The following SCN8A variants were observed in gnomAD, a reference collection of about 807,000 sequenced individuals.
SCN8A encodes sodium voltage-gated channel alpha subunit 8, also known as sodium channel protein type 8 subunit alpha.
SCN8A carries 30 observed loss-of-function variants against 184.1 expected under a neutral mutation model. That is an observed-to-expected ratio of 0.16 (90% confidence interval 0.12 to 0.22). The LOEUF is 0.22. Ranked by LOEUF, SCN8A falls within the 10% of genes least tolerant of loss-of-function variation. The pLI is 1.00. For missense variants in SCN8A, 1,057 were observed against 2,498.9 expected (o/e 0.42, Z 12.30); for synonymous variants, 852 against 907.0 (o/e 0.94, Z 1.09).
rs1565923413 is a variant in SCN8A, at chr12:51,780,561, C to CTTTTTTTTTTT, written c.3820-85_3820-84insTTTTTTTTTTT. 11 of 457,854 alleles carry CTTTTTTTTTTT rather than the reference C, an allele frequency of 2.4e-5. No individual in the cohort carries two copies. In the African/African-American group the frequency reaches 9.8e-4, roughly 41 times the overall value. 28.4% of individuals were successfully genotyped at this position (457,854 alleles called of 1,614,324 possible). A position where few individuals can be genotyped will look rare whatever the true frequency, so the allele number is the denominator to read the frequency against. The stretch of plus-strand genomic sequence containing the variant: ...TCTAACACTCTGGAACCTCTGTTTT[C>CTTTTTTTTTTT]TTTCTTTTTTTTTTTTTTTTTTTTT... On this transcript the variant is annotated intron_variant, in intron 20 of 26. Coordinates refer to ENST00000627620, the MANE Select transcript of SCN8A (RefSeq NM_001330260.2).
chr12:51,662,976 C>T lies in SCN8A; in HGVS notation c.159C>T (p.Pro53=), dbSNP rs750806532. 8 of 1,614,028 alleles carry T rather than the reference C, an allele frequency of 5.0e-6. No individual in the cohort carries two copies. The South Asian group carries it at 8.8e-5, about 18-fold the overall frequency. ...SHREDDEDSK[P]KPNSDLEAGK... is the part of the protein sequence containing the mutation. ...GGGAGGACGATGAGGACAGCAAGCC[C>T]AAGCCAAACAGCGACCTGGAAGCAG... is the stretch of plus-strand genomic sequence containing the variant. Residue 53 remains proline, a synonymous_variant, in exon 2 of 27, where the codon CCC becomes CCT. Coordinates refer to ENST00000627620, the MANE Select transcript of SCN8A (RefSeq NM_001330260.2).
intron 2 of SCN8A, among the ~76,000 whole-genome samples, chr12:51,665,424 A>G (rs555309304): frequency 6.6e-6 from 1 of 152,318 alleles, no homozygotes; most frequent in African/African-American, 2.4e-5. Flanking sequence ...TTTTTTGGTA[A>G]TCTTGAAAAA....
At chr12:51,726,423 G>A (rs545021582) in intron 12 of SCN8A, among the ~76,000 whole-genome samples, 2 of 152,328 alleles carry the variant, frequency 1.3e-5, no homozygotes, top group South Asian at 4.2e-4. Context: ...GGAAGCCAAG[G>A]CTTAGAGGAA....
intron 1 of SCN8A, among the ~76,000 whole-genome samples, chr12:51,653,077 T>C (rs1940751106): frequency 6.6e-6 from 1 of 152,188 alleles, no homozygotes; most frequent in African/African-American, 2.4e-5. Context: ...CCCAGCACTT[T>C]GGGAGGCCGA....
chr12:51,596,808 C>T (rs77836554), intron 1 of SCN8A, among the ~76,000 whole-genome samples: 1,672 of 152,272 alleles, frequency 0.011, 14 homozygotes, highest in Non-Finnish European at 0.016. Context: ...ATCTTTCATC[C>T]GTGTCTCTTG....
chr12:51,624,920 C>T (rs1940044985), intron 1 of SCN8A, among the ~76,000 whole-genome samples: 1 of 151,934 alleles, frequency 6.6e-6, no homozygotes, highest in African/African-American at 2.4e-5. Flanking sequence ...GTTATATAGG[C>T]CAGCTTTTTT....
intron 13 of SCN8A, 66 bp from the exon 14 acceptor site, chr12:51,751,289 G>A (rs896864736): frequency 1.5e-5 from 15 of 997,614 alleles, no homozygotes; most frequent in Non-Finnish European, 1.9e-5. Flanking sequence ...GACTGAGAGT[G>A]AGTAGTGTGT....
At chr12:51,633,541 C>T (rs1303067989) in intron 1 of SCN8A, among the ~76,000 whole-genome samples, 1 of 152,220 alleles carries the variant, frequency 6.6e-6, no homozygotes, top group African/African-American at 2.4e-5. Flanking sequence ...ATATGTCTTT[C>T]TCTCCTTGGT....
At position 51,789,403 on chromosome 12, in the gene SCN8A, T is replaced by C; in HGVS notation, c.4404T>C (p.Asn1468=). ...LFIGVIIDNF[N]QQKKKFGGQD... ...TTGGTGTCATCATTGATAACTTCAA[T>C]CAACAAAAGAAAAAGATAGGTCTCC... Residue 1468 remains asparagine, a synonymous_variant, in exon 24 of 27, where the codon AAT becomes AAC. Coordinates refer to ENST00000627620, the MANE Select transcript of SCN8A (RefSeq NM_001330260.2). The C allele has an allele frequency of 1.2e-6, 2 of 1,613,852 alleles. No homozygotes were observed. The highest frequency in any genetic ancestry group is 2.2e-5 in the South Asian group (2 of 91,018).
At chr12:51,617,160 A>G (rs1233418589) in intron 1 of SCN8A, among the ~76,000 whole-genome samples, 1 of 151,944 alleles carries the variant, frequency 6.6e-6, no homozygotes, top group Non-Finnish European at 1.5e-5. Context: ...TAAATTTGGG[A>G]AGTTTTAGCC....
intron 1 of SCN8A, among the ~76,000 whole-genome samples, chr12:51,658,350 G>A (rs1283205652): frequency 6.6e-6 from 1 of 151,784 alleles, no homozygotes; most frequent in East Asian, 1.9e-4. Context: ...TTATTCCTAG[G>A]TCTTACTATT....
rs1244329868 is a variant in SCN8A at position 51,686,159 on chromosome 12, G to C, written c.396-209G>C. 2.0e-5 allele frequency among the ~76,000 whole-genome samples: 3 copies of C among 152,196 alleles called. No individual in the cohort carries two copies. In the East Asian group the frequency reaches 5.8e-4, roughly 29 times the overall value. On this transcript the variant is annotated intron_variant, in intron 3 of 26. Transcript: ENST00000627620. ...CCCTTTTGAAAGAAGGAGAATAGCT[G>C]TCCTTCCCCATCCATCCACAGTTCA...
At chr12:51,659,646 A>T (rs955677835) in intron 1 of SCN8A, among the ~76,000 whole-genome samples, 2 of 152,140 alleles carry the variant, frequency 1.3e-5, no homozygotes, top group Admixed American at 1.3e-4. Context: ...ATGAAAGCAG[A>T]TTTTTAGGGA....
chr12:51,639,571 C>A (rs760282973), intron 1 of SCN8A, among the ~76,000 whole-genome samples: 32 of 151,978 alleles, frequency 2.1e-4, no homozygotes, highest in African/African-American at 7.5e-4. Context: ...CGCGCCACAG[C>A]GTGACTCAAA....
chr12:51,596,735 A>G (rs1301628911), intron 1 of SCN8A, among the ~76,000 whole-genome samples: 2 of 152,176 alleles, frequency 1.3e-5, no homozygotes, highest in Admixed American at 1.3e-4. Context: ...AAAGTAACAC[A>G]CTTGTGTTCC....
At chr12:51,772,988 G>A (rs576663535) in intron 19 of SCN8A, among the ~76,000 whole-genome samples, 2 of 152,158 alleles carry the variant, frequency 1.3e-5, no homozygotes, top group South Asian at 2.1e-4. Context: ...GTGGTGGCAT[G>A]TGCCTGTAGT....
chr12:51,640,040 A>G (rs970725367), intron 1 of SCN8A, among the ~76,000 whole-genome samples: 2 of 146,578 alleles, frequency 1.4e-5, no homozygotes, highest in Non-Finnish European at 3.0e-5. Flanking sequence ...GGTAGCTGGG[A>G]CTATGGGTGT....
At chr12:51,645,400 G>A (rs971332692) in intron 1 of SCN8A, among the ~76,000 whole-genome samples, 2 of 147,092 alleles carry the variant, frequency 1.4e-5, no homozygotes, top group East Asian at 2.1e-4. Context: ...GCCCGGCCGC[G>A]CCTACTGGGA....
intron 2 of SCN8A, 38 bp from the exon 3 acceptor site, chr12:51,684,136 C>G: frequency 1.0e-6 from 1 of 981,090 alleles, no homozygotes; most frequent in East Asian, 2.4e-5. Context: ...GACTCATACC[C>G]ATGCTTTAAT....
Sources: gnomAD v4.1 joint callset for allele counts (sites outside exome capture counted in the v4.1 genomes callset) on GRCh38, gnomAD v4.1.1 for gene constraint, MANE v1.5 for transcripts, NCBI Gene and HGNC (gene_info 2026-07-23, HGNC 2026-07-21) for gene names.